Variants in PRELID2 observed in about 807,000 individuals in gnomAD.
PRELID2 encodes the protein PRELI domain-containing protein 2.
PRELID2 carries 25 observed loss-of-function variants against 28.4 expected under a neutral mutation model. The observed-to-expected ratio is 0.88, with a 90% CI of 0.64 to 1.23. The LOEUF is 1.23. Among genes scored for constraint, PRELID2 ranks in the 50% most tolerant of loss-of-function variants. The probability of loss-of-function intolerance (pLI) is 0.00; values close to 1 mark genes in which losing one functional copy is unlikely to be tolerated. For synonymous variants in PRELID2, 76 were observed against 71.6 expected (o/e 1.06, Z -0.31); for missense variants, 201 against 214.4 (o/e 0.94, Z 0.39).
chr5:145,301,949 T>TTG, the PRELID2 span, among the ~76,000 whole-genome samples: 19 of 136,852 alleles, frequency 1.4e-4, no homozygotes, highest in African/African-American at 2.2e-4. Context: ...TTTTTTTTTT[T>TTG]GCTAACTCTG....
intron 1 of PRELID2, among the ~76,000 whole-genome samples, chr5:145,631,167 G>A (rs905894231): frequency 2.6e-5 from 4 of 152,072 alleles, no homozygotes; most frequent in African/African-American, 7.2e-5. Flanking sequence ...AGAACTTCTC[G>A]AGAAAATGTT....
chr5:145,327,415 C>T, the PRELID2 span, among the ~76,000 whole-genome samples: 18 of 151,954 alleles, frequency 1.2e-4, no homozygotes, highest in South Asian at 4.2e-4. Flanking sequence ...CAATTTTGTA[C>T]GATATAATTA....
At chr5:145,719,814 A>G (rs1755939548) in intron 1 of PRELID2, among the ~76,000 whole-genome samples, 1 of 152,050 alleles carries the variant, frequency 6.6e-6, no homozygotes, top group Non-Finnish European at 1.5e-5. Flanking sequence ...CTATAGTGCA[A>G]TACCCCAAAC....
chr5:145,558,247 A>G (rs142619745), intron 1 of PRELID2, among the ~76,000 whole-genome samples: 361 of 152,332 alleles, frequency 2.4e-3, no homozygotes, highest in African/African-American at 8.1e-3. Context: ...GAACTAAAGG[A>G]TGTACTCGAT....
At chr5:145,274,775 G>A in the PRELID2 span, among the ~76,000 whole-genome samples, 2 of 152,160 alleles carry the variant, frequency 1.3e-5, no homozygotes, top group Non-Finnish European at 2.9e-5. Flanking sequence ...AGAAAGGCCA[G>A]TTTGACGTAG....
chr5:145,826,329 T>A (rs773371096), intron 1 of PRELID2: 10 of 269,724 alleles, frequency 3.7e-5, no homozygotes, highest in Non-Finnish European at 5.7e-5. Flanking sequence ...AGCAATGTGA[T>A]CTGAAGACCC....
At chr5:145,656,765 G>A (rs1405871562) in intron 1 of PRELID2, among the ~76,000 whole-genome samples, 1 of 125,660 alleles carries the variant, frequency 8.0e-6, no homozygotes, top group East Asian at 2.9e-4. Context: ...GGTGGGGGGA[G>A]GGGGGAGGGA....
At chr5:145,720,074 T>C (rs1324159637) in intron 1 of PRELID2, among the ~76,000 whole-genome samples, 2 of 150,786 alleles carry the variant, frequency 1.3e-5, no homozygotes, top group Non-Finnish European at 3.0e-5. Context: ...AATAAAACAT[T>C]AAAAGGGTCT....
At chr5:145,558,687 T>C (rs1444459352) in intron 1 of PRELID2, among the ~76,000 whole-genome samples, 1 of 152,198 alleles carries the variant, frequency 6.6e-6, no homozygotes, top group Non-Finnish European at 1.5e-5. Context: ...TTTGCAAGAC[T>C]ATCATGCTTA....
the PRELID2 span, among the ~76,000 whole-genome samples, chr5:145,359,417 C>G: frequency 2.0e-5 from 3 of 152,118 alleles, no homozygotes; most frequent in African/African-American, 7.2e-5. Flanking sequence ...ATGAGATTGG[C>G]TATTTAGGAA....
At chr5:145,320,731 G>A in the PRELID2 span, among the ~76,000 whole-genome samples, 1 of 152,040 alleles carries the variant, frequency 6.6e-6, no homozygotes, top group South Asian at 2.1e-4. Context: ...TAGGATATTT[G>A]TACCATAAGC....
In PRELID2 at chr5:145,542,292, C is replaced by A. The variant is rs971675856; in HGVS notation, n.71-68977G>T. On this transcript the variant is annotated intron_variant and non_coding_transcript_variant, in intron 1 of 2. Coordinates refer to the PRELID2 transcript ENST00000510259. ...GGCTGGTATTAAATGCTTCCAATAG[C>A]AAATAGAAAGAGAAGGGAGTCTCCT... is the stretch of plus-strand genomic sequence containing the variant. Among the ~76,000 whole-genome samples, 136 of 152,036 alleles carry A rather than the reference C, an allele frequency of 8.9e-4. 1 individual carries two copies. The highest frequency in any genetic ancestry group is 3.2e-3 in the African/African-American group (134 of 41,404).
chr5:145,259,702 C>T, the PRELID2 span, among the ~76,000 whole-genome samples: 5 of 152,218 alleles, frequency 3.3e-5, no homozygotes, highest in South Asian at 1.0e-3. Context: ...TTTACAGGCT[C>T]ATAGGCAGAA....
intron 1 of PRELID2, among the ~76,000 whole-genome samples, chr5:145,662,894 T>A (rs926936615): frequency 1.1e-4 from 17 of 152,168 alleles, no homozygotes; most frequent in Non-Finnish European, 7.4e-5. Context: ...TATTCTGTGA[T>A]AAGCAACAGA....
intron 5 of PRELID2, among the ~76,000 whole-genome samples, chr5:145,779,558 A>C (rs1469397882): frequency 7.1e-5 from 8 of 112,296 alleles, no homozygotes; most frequent in African/African-American, 2.5e-4. Context: ...AAAAGCAAGA[A>C]ATGAAATTGT....
the PRELID2 span, chr5:145,381,587 C>G: frequency 6.6e-6 from 1 of 152,218 alleles, no homozygotes; most frequent in African/African-American, 2.4e-5. Context: ...TGCTACTCAC[C>G]GTAGAGGAGA....
At chr5:145,720,344 C>T (rs546986496) in intron 1 of PRELID2, among the ~76,000 whole-genome samples, 1 of 150,272 alleles carries the variant, frequency 6.7e-6, no homozygotes, top group African/African-American at 2.4e-5. Context: ...AAAAAAAAAA[C>T]CTCAGGTCTC....
At chr5:145,596,425 T>C (rs1398078234) in intron 1 of PRELID2, among the ~76,000 whole-genome samples, 2 of 151,886 alleles carry the variant, frequency 1.3e-5, no homozygotes, top group African/African-American at 4.8e-5. Flanking sequence ...CTTAGGGGAG[T>C]GGTTCTACTA....
chr5:145,640,338 T>C (rs907724043), intron 1 of PRELID2, among the ~76,000 whole-genome samples: 1 of 151,364 alleles, frequency 6.6e-6, no homozygotes, highest in East Asian at 1.9e-4. Context: ...TAGCCGGGCG[T>C]GGTGGCGGGC....
Sources: allele counts gnomAD v4.1 joint callset (sites outside exome capture counted in the v4.1 genomes callset), GRCh38; gene constraint gnomAD v4.1.1; transcripts MANE v1.5; gene names NCBI Gene and HGNC (gene_info 2026-07-23, HGNC 2026-07-21).